NRXN3: variants seen among roughly 807,000 people sequenced by gnomAD.
The protein encoded by NRXN3 is neurexin III.
NRXN3 carries 32 observed loss-of-function variants against 137.6 expected under a neutral mutation model. The ratio of observed to expected loss-of-function variants is 0.23; its 90% CI spans 0.18 to 0.31. The LOEUF is 0.31. Among genes scored for constraint, NRXN3 ranks in the 10% least tolerant of loss-of-function variants. The pLI, the probability that NRXN3 is intolerant of heterozygous loss-of-function variation, is 1.00. For synonymous variants in NRXN3, 798 were observed against 784.5 expected (o/e 1.02, Z -0.29); for missense variants, 1,574 against 2,062.5 (o/e 0.76, Z 4.59).
chr14:78,816,343 G>A (rs955278115), intron 10 of NRXN3, among the ~76,000 whole-genome samples: 1 of 152,054 alleles, frequency 6.6e-6, no homozygotes, highest in African/African-American at 2.4e-5. Flanking sequence ...TAGCCTATGA[G>A]TATACAACAT....
intron 10 of NRXN3, among the ~76,000 whole-genome samples, chr14:78,903,271 C>T (rs2099203497): frequency 6.6e-6 from 1 of 151,248 alleles, no homozygotes. Context: ...GCCTCAGTCT[C>T]CTGAGTAGTT....
intron 4 of NRXN3, among the ~76,000 whole-genome samples, chr14:78,536,902 C>T (rs1264910765): frequency 6.6e-6 from 1 of 152,140 alleles, no homozygotes; most frequent in Non-Finnish European, 1.5e-5. Flanking sequence ...TGATGGTTTC[C>T]AGCTTCATCC....
chr14:78,763,176 A>T (rs1314848228), intron 8 of NRXN3, among the ~76,000 whole-genome samples: 1 of 152,234 alleles, frequency 6.6e-6, no homozygotes, highest in African/African-American at 2.4e-5. Flanking sequence ...CACTGCATTA[A>T]TCACATCCTT....
chr14:79,153,909 C>T (rs74375778), intron 15 of NRXN3, among the ~76,000 whole-genome samples: 3,994 of 151,986 alleles, frequency 0.026, 191 homozygotes, highest in African/African-American at 0.091. Flanking sequence ...GGAGTAGCAT[C>T]CTCACAGATG....
intron 19 of NRXN3, among the ~76,000 whole-genome samples, chr14:79,800,214 C>T (rs571746964): frequency 2.0e-5 from 3 of 152,144 alleles, no homozygotes; most frequent in South Asian, 2.1e-4. Flanking sequence ...TGACATTGAA[C>T]GCAACTTGAT....
chr14:78,924,616 C>G (rs565648824), intron 10 of NRXN3, among the ~76,000 whole-genome samples: 2 of 152,260 alleles, frequency 1.3e-5, no homozygotes, highest in South Asian at 4.1e-4. Context: ...TTGATGATAA[C>G]AAACCATTGC....
Position 78,966,341 on chromosome 14 carries a change from A to T in NRXN3, c.2712A>T (p.Pro904=). Residue 904 remains proline, a synonymous_variant, in exon 12 of 21, where the codon CCA becomes CCT. Transcript: ENST00000335750. ...TCTTCCAGTTCAAGACCACCTCACCAGATGGCTTCATTCTCTTCAATAGTG... is the reference window on the plus strand; with the variant it reads ...TCTTCCAGTTCAAGACCACCTCACCTGATGGCTTCATTCTCTTCAATAGTG... ...HLFFQFKTTS[P]DGFILFNSGD... The T allele has an allele frequency of 6.2e-7, 1 of 1,614,236 alleles. No homozygotes were observed. Among genetic ancestry groups the T allele is most frequent in the Non-Finnish European group, 8.5e-7 (1 of 1,180,036 alleles).
rs541614857 is a variant in NRXN3 at position 79,582,213 on chromosome 14, G to T, written c.3445-81565G>T. ...CCTTGTCTTGGCCTCCCAAAGTGCT[G>T]GGATTACAGGCATGAGCAACCATGC... is the stretch of plus-strand genomic sequence containing the variant. On this transcript the variant is annotated intron_variant, in intron 16 of 20. Transcript: ENST00000335750. Among the ~76,000 whole-genome samples, 8 of 152,252 alleles carry T rather than the reference G, an allele frequency of 5.3e-5. No individual in the cohort carries two copies. The South Asian group carries it at 1.7e-3, about 32-fold the overall frequency.
intron 15 of NRXN3, among the ~76,000 whole-genome samples, chr14:79,446,860 A>G (rs146566546): frequency 1.3e-5 from 2 of 152,342 alleles, no homozygotes; most frequent in East Asian, 3.9e-4. Context: ...TAACTGTGAG[A>G]TCTATCTTCT....
intron 4 of NRXN3, among the ~76,000 whole-genome samples, chr14:78,641,333 G>A (rs573159450): frequency 1.5e-4 from 23 of 152,252 alleles, no homozygotes; most frequent in African/African-American, 5.5e-4. Flanking sequence ...TTTCTTCAAG[G>A]TCCTCATTTT....
chr14:79,115,374 G>A (rs924380040), intron 15 of NRXN3, among the ~76,000 whole-genome samples: 1 of 150,900 alleles, frequency 6.6e-6, no homozygotes, highest in Non-Finnish European at 1.5e-5. Flanking sequence ...TATCCTTCCA[G>A]TAAGAGAATC....
intron 1 of NRXN3, among the ~76,000 whole-genome samples, chr14:78,239,614 G>C (rs893087461): frequency 1.8e-4 from 27 of 152,146 alleles, no homozygotes; most frequent in Admixed American, 1.6e-3. Context: ...TCCAGCCTCA[G>C]TTCTTTTACA....
intron 15 of NRXN3, among the ~76,000 whole-genome samples, chr14:79,137,015 A>G (rs1368391454): frequency 2.0e-5 from 3 of 152,138 alleles, no homozygotes. Flanking sequence ...ATCACCTTTT[A>G]CCCCTTGGGG....
At chr14:78,911,813 C>T (rs2099238555) in intron 10 of NRXN3, among the ~76,000 whole-genome samples, 1 of 151,970 alleles carries the variant, frequency 6.6e-6, no homozygotes, top group Non-Finnish European at 1.5e-5. Context: ...ACACAAGACC[C>T]TAGGGTGGAG....
chr14:79,520,145 T>A (rs1006986912), intron 16 of NRXN3, among the ~76,000 whole-genome samples: 32 of 152,128 alleles, frequency 2.1e-4, no homozygotes, highest in Non-Finnish European at 4.4e-4. Context: ...AACAAAAAGG[T>A]CTTTTCTCAA....
intron 10 of NRXN3, among the ~76,000 whole-genome samples, chr14:78,814,747 C>T (rs1199422818): frequency 6.6e-6 from 1 of 152,126 alleles, no homozygotes; most frequent in African/African-American, 2.4e-5. Flanking sequence ...GTTCTGAAAA[C>T]AGGTATGAAC....
At chr14:79,070,870 C>T (rs1279680217) in intron 15 of NRXN3, among the ~76,000 whole-genome samples, 1 of 152,150 alleles carries the variant, frequency 6.6e-6, no homozygotes, top group East Asian at 1.9e-4. Flanking sequence ...CAGAATCCCT[C>T]TTGAGATAAA....
intron 10 of NRXN3, among the ~76,000 whole-genome samples, chr14:78,874,148 T>G (rs1164227969): frequency 6.6e-6 from 1 of 151,998 alleles, no homozygotes; most frequent in Non-Finnish European, 1.5e-5. Flanking sequence ...ATTTTTGTAT[T>G]TTTAGTAGAG....
At chr14:79,764,994 T>C (rs1299101101) in intron 19 of NRXN3, among the ~76,000 whole-genome samples, 2 of 152,188 alleles carry the variant, frequency 1.3e-5, no homozygotes, top group Non-Finnish European at 2.9e-5. Flanking sequence ...TGCTCTAAAT[T>C]TGTCTCGCCC....
Sources: gnomAD v4.1 joint callset for allele counts (sites outside exome capture counted in the v4.1 genomes callset) on GRCh38, gnomAD v4.1.1 for gene constraint, MANE v1.5 for transcripts, NCBI Gene and HGNC (gene_info 2026-07-23, HGNC 2026-07-21) for gene names.